OPCML: variants seen among roughly 807,000 people sequenced by gnomAD.
OPCML encodes the protein opioid binding protein/cell adhesion molecule like.
OPCML carries 13 observed loss-of-function variants against 37.8 expected under a neutral mutation model. That is an observed-to-expected ratio of 0.34 (90% CI 0.22 to 0.55). The LOEUF (loss-of-function observed/expected upper bound fraction) is 0.55. OPCML is among the 20% of genes least tolerant of loss of function. The pLI is 0.91. For synonymous variants in OPCML, 176 were observed against 168.8 expected, an observed-to-expected ratio of 1.04 and a Z score of -0.33; for missense variants, 341 against 435.6, an observed-to-expected ratio of 0.78 and a Z score of 1.93.
intron 1 of OPCML, among the ~76,000 whole-genome samples, chr11:132,987,142 C>T (rs1946694776): frequency 6.6e-6 from 1 of 152,162 alleles, no homozygotes; most frequent in African/African-American, 2.4e-5. Flanking sequence ...TCCCTGTCCT[C>T]TAGAAACTGT....
chr11:133,367,444 C>T (rs957620459), intron 1 of OPCML, among the ~76,000 whole-genome samples: 1 of 152,208 alleles, frequency 6.6e-6, no homozygotes, highest in African/African-American at 2.4e-5. Flanking sequence ...GAAAAATGGT[C>T]CCAGCATCGG....
rs1938157214 is a variant in OPCML, at chr11:132,604,683, C to T, written c.379+52404G>A. On this transcript the variant is annotated intron_variant, in intron 3 of 7. Transcript: ENST00000524381. ...TTGAAGGCGCCAACATTCCTAATCA[C>T]TCAGCCTTGAAAAATGCAGAATCGA... is the stretch of plus-strand genomic sequence containing the variant. 2.0e-5 allele frequency among the ~76,000 whole-genome samples: 3 copies of T among 152,224 alleles called. No individual in the cohort carries two copies. The South Asian group carries it at 6.2e-4, about 31-fold the overall frequency.
chr11:133,163,074 C>T (rs772222015), intron 1 of OPCML, among the ~76,000 whole-genome samples: 15 of 152,184 alleles, frequency 9.9e-5, no homozygotes, highest in Non-Finnish European at 1.3e-4. Flanking sequence ...AATCACTTTC[C>T]CACTGTGAGA....
chr11:133,275,774 C>T lies in OPCML; in HGVS notation c.61+256490G>A, dbSNP rs557263802. Among the ~76,000 whole-genome samples the T allele has an allele frequency of 8.5e-5, 13 of 152,272 alleles. No homozygotes were observed. In the South Asian group the frequency reaches 2.7e-3, roughly 32 times the overall value. ...GCCTGGCACATGGATATTCAATAGA[C>T]ATTTGTTCAGGAGTGGACAGAGGGC... On this transcript the variant is annotated intron_variant, in intron 1 of 7. Coordinates refer to ENST00000524381, the MANE Select transcript of OPCML (RefSeq NM_001012393.5).
intron 2 of OPCML, among the ~76,000 whole-genome samples, chr11:132,900,787 T>C (rs1944033309): frequency 6.6e-6 from 1 of 152,168 alleles, no homozygotes; most frequent in South Asian, 2.1e-4. Context: ...CTCTGGCATT[T>C]TTAACTAGTC....
intron 2 of OPCML, among the ~76,000 whole-genome samples, chr11:132,687,385 T>TAC (rs1943205849): frequency 1.1e-4 from 3 of 27,600 alleles, no homozygotes; most frequent in African/African-American, 4.3e-4. Context: ...TATATATATA[T>TAC]ATATATATAT....
Position 133,015,841 on chromosome 11 carries a change from C to T in OPCML, c.62-72831G>A, listed in dbSNP as rs1040680235. On this transcript the variant is annotated intron_variant, in intron 1 of 7. Coordinates refer to ENST00000524381, the MANE Select transcript of OPCML (RefSeq NM_001012393.5). ...TCTGCCCTTGCTCCTGCTGTTTCCT[C>T]CTACAATATCCTCCCCATCCCTAAC... Among the ~76,000 whole-genome samples the T allele has an allele frequency of 2.0e-5, 3 of 152,150 alleles. No homozygotes were observed. In the East Asian group the frequency reaches 5.8e-4, roughly 29 times the overall value.
intron 2 of OPCML, among the ~76,000 whole-genome samples, chr11:132,698,762 G>T (rs1372435839): frequency 6.6e-6 from 1 of 151,764 alleles, no homozygotes; most frequent in Non-Finnish European, 1.5e-5. Context: ...TACAGTTTCA[G>T]GTCTTATGTT....
chr11:133,047,646 C>G (rs1445291485), intron 1 of OPCML, among the ~76,000 whole-genome samples: 1 of 152,188 alleles, frequency 6.6e-6, no homozygotes. Context: ...CCATCCATCA[C>G]TCCGGCTACA....
intron 2 of OPCML, among the ~76,000 whole-genome samples, chr11:132,819,122 G>A (rs1939820490): frequency 1.3e-5 from 2 of 151,278 alleles, no homozygotes; most frequent in Admixed American, 6.6e-5. Context: ...ATTTTTTAAT[G>A]CCAGAAATTT....
intron 1 of OPCML, among the ~76,000 whole-genome samples, chr11:133,456,996 C>T (rs576103689): frequency 7.2e-5 from 11 of 152,102 alleles, no homozygotes; most frequent in Admixed American, 2.6e-4. Flanking sequence ...AAGATAAATA[C>T]GGACACGCAA....
intron 1 of OPCML, among the ~76,000 whole-genome samples, chr11:133,503,058 A>T (rs1365309243): frequency 6.6e-6 from 1 of 152,216 alleles, no homozygotes; most frequent in Non-Finnish European, 1.5e-5. Context: ...ATTTGAAAGG[A>T]CACAGGGGAT....
chr11:133,435,243 T>C (rs1946208841), intron 1 of OPCML, among the ~76,000 whole-genome samples: 1 of 152,202 alleles, frequency 6.6e-6, no homozygotes, highest in South Asian at 2.1e-4. Flanking sequence ...TCTCAGGGTA[T>C]ATCGCTTGCA....
rs141798470 is a variant in OPCML, at chr11:133,427,987, A to C, written c.61+104277T>G. 1.8e-3 allele frequency among the ~76,000 whole-genome samples: 279 copies of C among 152,306 alleles called. 3 individuals are homozygous for C. Among genetic ancestry groups the C allele is most frequent in the Non-Finnish European group, 3.4e-3 (231 of 68,014 alleles). On this transcript the variant is annotated intron_variant, in intron 1 of 7. Transcript: ENST00000524381. Reference sequence around the variant, plus strand: ...TTTATTTCATAAAAGTTCCCATTCTAACACTGGATAAAAGATAACACCAAG... The same window carrying C: ...TTTATTTCATAAAAGTTCCCATTCTCACACTGGATAAAAGATAACACCAAG...
intron 1 of OPCML, among the ~76,000 whole-genome samples, chr11:133,271,181 A>C (rs1941818004): frequency 6.6e-6 from 1 of 152,200 alleles, no homozygotes; most frequent in South Asian, 2.1e-4. Context: ...TAAGAGGGTG[A>C]TAATGCCTAC....
intron 1 of OPCML, among the ~76,000 whole-genome samples, chr11:132,980,698 T>A (rs1946562300): frequency 6.6e-6 from 1 of 152,138 alleles, no homozygotes; most frequent in Non-Finnish European, 1.5e-5. Context: ...CCGGGCCATC[T>A]CTGCTCAGTT....
At chr11:132,585,403 G>GA (rs59775391) in intron 3 of OPCML, among the ~76,000 whole-genome samples, 14,813 of 148,484 alleles carry the variant, frequency 0.1, 1,277 homozygotes, top group African/African-American at 0.23. Context: ...AATAAAAAAA[G>GA]AAAAAAAAAA....
rs558359788 is a variant in OPCML at position 132,891,208 on chromosome 11, C to G, written c.146+51718G>C. On this transcript the variant is annotated intron_variant, in intron 2 of 7. Coordinates refer to ENST00000524381, the MANE Select transcript of OPCML (RefSeq NM_001012393.5). ...AGGTAAGTTTCCCAAAAGTGTCTGG[C>G]TGTCTTGGTTCAAGTGTCAACTTCA... Among the ~76,000 whole-genome samples the G allele has an allele frequency of 6.6e-4, 101 of 152,272 alleles. 2 individuals carry two copies. The South Asian group carries it at 0.021, about 31-fold the overall frequency.
intron 3 of OPCML, among the ~76,000 whole-genome samples, chr11:132,588,992 A>T (rs2096479262): frequency 6.6e-6 from 1 of 152,188 alleles, no homozygotes; most frequent in Non-Finnish European, 1.5e-5. Flanking sequence ...CATTATGTTG[A>T]GTCTCTATAA....
Sources: gnomAD v4.1 joint callset for allele counts (sites outside exome capture counted in the v4.1 genomes callset) on GRCh38, gnomAD v4.1.1 for gene constraint, MANE v1.5 for transcripts, NCBI Gene and HGNC (gene_info 2026-07-23, HGNC 2026-07-21) for gene names.